CTIF: variants seen among roughly 807,000 people sequenced by gnomAD.
The protein encoded by CTIF is CBP80/20-dependent translation initiation factor.
A neutral mutation model predicts 66.0 loss-of-function variants in CTIF; 21 were observed. The ratio of observed to expected loss-of-function variants is 0.32; its 90% CI spans 0.23 to 0.46. The LOEUF is 0.46. Among genes scored for constraint, CTIF ranks in the 20% least tolerant of loss-of-function variants. CTIF has a pLI of 1.00. For missense variants in CTIF, 739 were observed against 812.7 expected, an observed-to-expected ratio of 0.91 and a Z score of 1.10; for synonymous variants, 345 against 326.4, an observed-to-expected ratio of 1.06 and a Z score of -0.62.
intron 1 of CTIF, 46 bp downstream of exon 1, chr18:48,539,358 G>T (rs1282639316): frequency 6.6e-6 from 1 of 151,976 alleles, no homozygotes; most frequent in Non-Finnish European, 1.5e-5. Flanking sequence ...ATCTCAGCTT[G>T]CTGATCGATT....
chr18:48,608,412 C>G (rs1357237057), intron 1 of CTIF, among the ~76,000 whole-genome samples: 6 of 152,174 alleles, frequency 3.9e-5, no homozygotes, highest in African/African-American at 1.4e-4. Context: ...AGACGTGGCC[C>G]CAGCACAGGC....
At chr18:48,661,896 GT>G (rs2091352924) in intron 3 of CTIF, 1 of 152,232 alleles carries the variant, frequency 6.6e-6, no homozygotes, top group African/African-American at 2.4e-5. Context: ...GAAAACGCAT[GT>G]TTAAAGAAGA....
intron 1 of CTIF, among the ~76,000 whole-genome samples, chr18:48,548,212 G>C (rs758261716): frequency 1.3e-5 from 2 of 152,162 alleles, no homozygotes; most frequent in Non-Finnish European, 2.9e-5. Flanking sequence ...CATTCCCCAT[G>C]CTGTTCCCTT....
At chr18:48,713,985 G>A (rs1427880953) in intron 7 of CTIF, among the ~76,000 whole-genome samples, 1 of 152,026 alleles carries the variant, frequency 6.6e-6, no homozygotes, top group Non-Finnish European at 1.5e-5. Flanking sequence ...TGGAGCTGTC[G>A]TGGAGTCCTC....
At position 48,647,781 on chromosome 18, in the gene CTIF, T is replaced by C. The variant is rs368594516; in HGVS notation, c.252+11096T>C. On this transcript the variant is annotated intron_variant, in intron 3 of 11. Transcript: ENST00000256413. The stretch of plus-strand genomic sequence containing the variant: ...CCCCACCCGCCCACCTCATGGCTCT[T>C]AGAACATCTCTGCAGGACTCCTAGG... Among the ~76,000 whole-genome samples the C allele has an allele frequency of 5.3e-4, 80 of 152,194 alleles. No homozygotes were observed. In the South Asian group the frequency reaches 7.9e-3, roughly 15 times the overall value.
At chr18:48,715,072 G>A (rs572134206) in intron 7 of CTIF, among the ~76,000 whole-genome samples, 55 of 152,304 alleles carry the variant, frequency 3.6e-4, no homozygotes, top group Admixed American at 3.4e-3. Flanking sequence ...CCAGGGGCGG[G>A]CCGCTAGGAT....
intron 9 of CTIF, among the ~76,000 whole-genome samples, chr18:48,787,764 T>C (rs1911845353): frequency 1.3e-5 from 2 of 152,210 alleles, no homozygotes; most frequent in African/African-American, 4.8e-5. Context: ...TGCAGATTCA[T>C]GGCTCCCAGC....
intron 1 of CTIF, among the ~76,000 whole-genome samples, chr18:48,588,761 C>T (rs1480292116): frequency 1.3e-5 from 2 of 152,322 alleles, no homozygotes; most frequent in East Asian, 3.9e-4. Context: ...TGTCCTGTGG[C>T]GGGCTCCCTG....
In CTIF at chr18:48,805,329, G is replaced by T. The variant is rs754824056; in HGVS notation, c.1372-11892G>T. Among the ~76,000 whole-genome samples the T allele has an allele frequency of 1.4e-4, 22 of 152,052 alleles. No individual in the cohort carries two copies. In the East Asian group the frequency reaches 4.3e-3, roughly 29 times the overall value. On this transcript the variant is annotated intron_variant, in intron 9 of 11. Transcript: ENST00000256413. The stretch of plus-strand genomic sequence containing the variant: ...CCTTCCAGGAACTACCCAAGGCCAG[G>T]TCTAGCCATGGGGGCCAGGCCGCAG...
intron 2 of CTIF, among the ~76,000 whole-genome samples, chr18:48,628,239 C>G (rs936692174): frequency 6.6e-6 from 1 of 152,168 alleles, no homozygotes; most frequent in Non-Finnish European, 1.5e-5. Flanking sequence ...TAGTATTAGT[C>G]ACCTTAGAGG....
At chr18:48,787,077 T>C (rs1568218113) in intron 9 of CTIF, among the ~76,000 whole-genome samples, 1 of 152,094 alleles carries the variant, frequency 6.6e-6, no homozygotes, top group Non-Finnish European at 1.5e-5. Flanking sequence ...CTCCAGACCA[T>C]TGAGGCAGGG....
chr18:48,728,961 T>C (rs1005112309), intron 7 of CTIF, among the ~76,000 whole-genome samples: 1 of 152,040 alleles, frequency 6.6e-6, no homozygotes, highest in Non-Finnish European at 1.5e-5. Context: ...CATTGCTTTT[T>C]CCCCCCACTT....
chr18:48,576,805 C>T (rs952729619), intron 1 of CTIF, among the ~76,000 whole-genome samples: 1 of 152,246 alleles, frequency 6.6e-6, no homozygotes, highest in Non-Finnish European at 1.5e-5. Flanking sequence ...CTATTCTCCT[C>T]CATTAACTTG....
rs575787465 is a variant in CTIF, at chr18:48,722,556, C to T, written c.584+10861C>T. ...CTTGAGATCGTATGCTGCCCAGGAC[C>T]GCAAGATTCACAGGTGTAAGTACCC... On this transcript the variant is annotated intron_variant, in intron 7 of 11. Coordinates refer to ENST00000256413, the MANE Select transcript of CTIF (RefSeq NM_014772.3). 3.9e-5 allele frequency among the ~76,000 whole-genome samples: 6 copies of T among 152,150 alleles called. No individual in the cohort carries two copies. In the South Asian group the frequency reaches 8.3e-4, roughly 21 times the overall value.
intron 10 of CTIF, among the ~76,000 whole-genome samples, chr18:48,837,092 G>C (rs1204140662): frequency 6.6e-6 from 1 of 152,182 alleles, no homozygotes; most frequent in African/African-American, 2.4e-5. Context: ...GAGCTGCCAA[G>C]GACTGGGGAC....
chr18:48,824,734 G>A (rs144915546), intron 10 of CTIF, among the ~76,000 whole-genome samples: 19 of 151,956 alleles, frequency 1.3e-4, no homozygotes, highest in Non-Finnish European at 1.9e-4. Context: ...TTCGCCTCCC[G>A]GGTTCAAGCG....
intron 9 of CTIF, among the ~76,000 whole-genome samples, chr18:48,774,536 C>T (rs2145992096): frequency 6.6e-6 from 1 of 152,262 alleles, no homozygotes; most frequent in Middle Eastern, 3.4e-3. Flanking sequence ...CTGGCCCTTC[C>T]AGGACAGATC....
At chr18:48,726,705 AC>A (rs1282168902) in intron 7 of CTIF, among the ~76,000 whole-genome samples, 1 of 152,118 alleles carries the variant, frequency 6.6e-6, no homozygotes, top group Non-Finnish European at 1.5e-5. Context: ...ATGCTTTGTA[AC>A]CTAATCTTGG....
In CTIF at chr18:48,783,085, A is replaced by G. The variant is rs183203328; in HGVS notation, c.1371+21396A>G. 4.6e-5 allele frequency among the ~76,000 whole-genome samples: 7 copies of G among 152,324 alleles called. No individual in the cohort carries two copies. The East Asian group carries it at 1.4e-3, about 29-fold the overall frequency. On this transcript the variant is annotated intron_variant, in intron 9 of 11. Transcript: ENST00000256413. ...TAACCTTTAGTGAATGACAGGGTGTACTGTCCCTCCCTTCCTATCTGGGAA... is the reference window on the plus strand; with the variant it reads ...TAACCTTTAGTGAATGACAGGGTGTGCTGTCCCTCCCTTCCTATCTGGGAA...
Sources: allele counts gnomAD v4.1 joint callset (sites outside exome capture counted in the v4.1 genomes callset), GRCh38; gene constraint gnomAD v4.1.1; transcripts MANE v1.5; gene names NCBI Gene and HGNC (gene_info 2026-07-23, HGNC 2026-07-21).